The following TP63 variants were observed in gnomAD, a reference collection of about 807,000 sequenced individuals.
The protein encoded by TP63 is tumor protein p63.
Under a neutral mutation model 82.8 loss-of-function variants are expected in TP63, and 17 were observed. The ratio of observed to expected loss-of-function variants is 0.21; its 90% CI spans 0.14 to 0.31. The LOEUF (loss-of-function observed/expected upper bound fraction) is 0.31, where lower values mean the gene tolerates loss of function less well. Among genes scored for constraint, TP63 ranks in the 10% least tolerant of loss-of-function variants. TP63 has a pLI of 1.00. For synonymous variants in TP63, 330 were observed against 321.7 expected (o/e 1.03, Z -0.28); for missense variants, 648 against 895.3 (o/e 0.72, Z 3.52).
intron 1 of TP63, among the ~76,000 whole-genome samples, chr3:189,668,322 A>G (rs1425319161): frequency 6.6e-6 from 1 of 152,122 alleles, no homozygotes; most frequent in African/African-American, 2.4e-5. Context: ...CAGATTTTAA[A>G]GTCATCCTGA....
intron 3 of TP63, among the ~76,000 whole-genome samples, chr3:189,747,945 G>A (rs1721501943): frequency 6.6e-6 from 1 of 152,066 alleles, no homozygotes; most frequent in Admixed American, 6.5e-5. Context: ...TAACAAGCTG[G>A]AAAACTGACA....
chr3:189,864,131 C>A, intron 4 of TP63, 101 bp from the exon 5 acceptor site: 1 of 1,478,822 alleles, frequency 6.8e-7, no homozygotes, highest in Non-Finnish European at 9.5e-7. Flanking sequence ...CAGCATGCAG[C>A]TCTAAAAAGT....
chr3:189,657,147 A>G (rs528659033), intron 1 of TP63, among the ~76,000 whole-genome samples: 1 of 152,186 alleles, frequency 6.6e-6, no homozygotes, highest in South Asian at 2.1e-4. Flanking sequence ...CTATAGAGCT[A>G]AGAAAAAGAT....
chr3:189,690,309 G>C (rs1293983843), intron 1 of TP63, among the ~76,000 whole-genome samples: 2 of 152,134 alleles, frequency 1.3e-5, no homozygotes, highest in Non-Finnish European at 2.9e-5. Flanking sequence ...GGCTGATGGG[G>C]TCCAGGCTCT....
At position 189,895,869 on chromosome 3, in the gene TP63, C is replaced by T. The variant is rs1475478494; in HGVS notation, c.*1367C>T. The T allele has an allele frequency of 4.4e-6, 1 of 225,196 alleles. No homozygotes were observed. The highest frequency in any genetic ancestry group is 5.7e-5 in the Admixed American group (1 of 17,528). 13.9% of individuals were successfully genotyped at this position (225,196 alleles called of 1,614,324 possible). On this transcript the variant is annotated 3_prime_UTR_variant, in exon 14 of 14. Transcript: ENST00000264731. ...ATAAATTGCATCACTGTATCATTTT[C>T]TTTTTTAACCGGTAAGAGTTTCAGT...
upstream of TP63, among the ~76,000 whole-genome samples, chr3:189,628,192 G>T (rs923798377): frequency 6.6e-6 from 1 of 152,084 alleles, no homozygotes; most frequent in Non-Finnish European, 1.5e-5. Context: ...AGTGGGGAAG[G>T]TTTCTTTTAT....
At chr3:189,779,948 C>T (rs1724101735) in intron 3 of TP63, among the ~76,000 whole-genome samples, 1 of 152,130 alleles carries the variant, frequency 6.6e-6, no homozygotes, top group Non-Finnish European at 1.5e-5. Flanking sequence ...GTGTGGGATT[C>T]ATGAAAACAT....
chr3:189,839,873 C>T (rs1047264552), intron 4 of TP63, among the ~76,000 whole-genome samples: 20 of 152,088 alleles, frequency 1.3e-4, no homozygotes, highest in African/African-American at 4.8e-4. Flanking sequence ...CTTTTTCAGC[C>T]CTGTACAGGG....
chr3:189,670,049 A>G (rs745833513), intron 1 of TP63, among the ~76,000 whole-genome samples: 7 of 152,024 alleles, frequency 4.6e-5, no homozygotes, highest in Non-Finnish European at 7.4e-5. Flanking sequence ...AAATGAACAA[A>G]GTATAAACCA....
intron 3 of TP63, 48 bp from the exon 4 acceptor site, chr3:189,808,224 A>G (rs1275844523): frequency 6.2e-7 from 1 of 1,613,990 alleles, no homozygotes; most frequent in Admixed American, 1.7e-5. Context: ...TGGAGCAATG[A>G]TCCGTGGCTT....
At chr3:189,867,134 A>T (rs1487315873) in intron 6 of TP63, among the ~76,000 whole-genome samples, 1 of 152,180 alleles carries the variant, frequency 6.6e-6, no homozygotes, top group African/African-American at 2.4e-5. Flanking sequence ...ATAGTAGTGG[A>T]TGCAAGTGTT....
intron 1 of TP63, among the ~76,000 whole-genome samples, chr3:189,736,418 CTG>C (rs1720599966): frequency 6.6e-6 from 1 of 152,066 alleles, no homozygotes; most frequent in Non-Finnish European, 1.5e-5. Context: ...AGAGTGCCCA[CTG>C]TGTACCATTA....
chr3:189,700,465 G>A (rs982534916), intron 1 of TP63, among the ~76,000 whole-genome samples: 2 of 152,072 alleles, frequency 1.3e-5, no homozygotes, highest in African/African-American at 4.8e-5. Context: ...TCCCAAAATT[G>A]CGTATGAGAA....
At position 189,756,162 on chromosome 3, in the gene TP63, C is replaced by G. The variant is rs532367950; in HGVS notation, c.324+17388C>G. Among the ~76,000 whole-genome samples the G allele has an allele frequency of 3.0e-3, 463 of 152,196 alleles. 2 individuals carry two copies. The highest frequency in any genetic ancestry group is 4.9e-3 in the Non-Finnish European group (333 of 68,008). On this transcript the variant is annotated intron_variant, in intron 3 of 13. Transcript: ENST00000264731. ...TTTTAGTATCCCAAATGCTTTTATCCCTTTGGCTTCTACTATTAAAATAAT... is the reference window on the plus strand; with the variant it reads ...TTTTAGTATCCCAAATGCTTTTATCGCTTTGGCTTCTACTATTAAAATAAT...
At chr3:189,695,597 C>A (rs1717316006) in intron 1 of TP63, among the ~76,000 whole-genome samples, 1 of 152,146 alleles carries the variant, frequency 6.6e-6, no homozygotes, top group Non-Finnish European at 1.5e-5. Flanking sequence ...TATACTGACC[C>A]ATGTATATGC....
chr3:189,789,730 G>GC, intron 3 of TP63: 1 of 1,288,394 alleles, frequency 7.8e-7, no homozygotes, highest in South Asian at 1.5e-5. Context: ...TAAGGGTCTC[G>GC]GGGTGGGGGG....
chr3:189,756,381 G>A (rs1722191475), intron 3 of TP63, among the ~76,000 whole-genome samples: 1 of 152,150 alleles, frequency 6.6e-6, no homozygotes, highest in Non-Finnish European at 1.5e-5. Context: ...CCCCATAAGA[G>A]CAGACTGTTT....
chr3:189,651,002 A>G (rs1242971982), intron 1 of TP63, among the ~76,000 whole-genome samples: 1 of 147,362 alleles, frequency 6.8e-6, no homozygotes, highest in African/African-American at 2.5e-5. Flanking sequence ...TGGACAGTGA[A>G]GTCCAGGCTG....
intron 1 of TP63, among the ~76,000 whole-genome samples, chr3:189,649,750 A>G (rs1263687000): frequency 6.8e-6 from 1 of 146,890 alleles, no homozygotes; most frequent in African/African-American, 2.6e-5. Flanking sequence ...TCTGAGGGGA[A>G]TGAGGATGGA....
Sources: allele counts gnomAD v4.1 joint callset (sites outside exome capture counted in the v4.1 genomes callset), GRCh38; gene constraint gnomAD v4.1.1; transcripts MANE v1.5; gene names NCBI Gene and HGNC (gene_info 2026-07-23, HGNC 2026-07-21).